Variants in NLGN1 observed in about 807,000 individuals in gnomAD.
NLGN1 encodes the protein neuroligin 1, also known as neuroligin-1.
Under a neutral mutation model 65.5 loss-of-function variants are expected in NLGN1, and 12 were observed. That is an observed-to-expected ratio of 0.18 (90% CI 0.12 to 0.30). The LOEUF (loss-of-function observed/expected upper bound fraction) is 0.30, where lower values mean the gene tolerates loss of function less well. Among genes scored for constraint, NLGN1 ranks in the 10% least tolerant of loss-of-function variants. The pLI, the probability that NLGN1 is intolerant of heterozygous loss-of-function variation, is 1.00. For missense variants in NLGN1, 750 were observed against 1,007.1 expected (o/e 0.74, Z 3.46); for synonymous variants, 350 against 359.5 (o/e 0.97, Z 0.30).
chr3:173,920,015 T>C (rs1221245786), intron 4 of NLGN1, among the ~76,000 whole-genome samples: 1 of 152,058 alleles, frequency 6.6e-6, no homozygotes, highest in African/African-American at 2.4e-5. Context: ...CATAGGACTT[T>C]AGATTGCAAA....
chr3:173,860,014 T>C (rs1728754741), intron 4 of NLGN1, among the ~76,000 whole-genome samples: 1 of 152,032 alleles, frequency 6.6e-6, no homozygotes, highest in Non-Finnish European at 1.5e-5. Context: ...AAGTCAACTT[T>C]TAATATTATT....
At chr3:173,751,216 A>C (rs975828802) in intron 3 of NLGN1, among the ~76,000 whole-genome samples, 1 of 152,064 alleles carries the variant, frequency 6.6e-6, no homozygotes, top group Admixed American at 6.6e-5. Context: ...GCATAGATAC[A>C]CTATTTGCTT....
intron 2 of NLGN1, among the ~76,000 whole-genome samples, chr3:173,484,930 C>A (rs1727915573): frequency 2.0e-5 from 3 of 151,950 alleles, no homozygotes; most frequent in Admixed American, 2.0e-4. Context: ...GCAAGGGCCC[C>A]TTCCACTCTA....
intron 4 of NLGN1, among the ~76,000 whole-genome samples, chr3:173,939,744 G>T (rs1426203210): frequency 1.3e-5 from 2 of 151,970 alleles, no homozygotes; most frequent in African/African-American, 4.8e-5. Context: ...TTGCTTTTCT[G>T]CCCAAATAAT....
At position 173,747,360 on chromosome 3, in the gene NLGN1, TTAAAGA is replaced by T. The variant is rs1206408834; in HGVS notation, c.494-60317_494-60312del. Among the ~76,000 whole-genome samples, 12 of 81,560 alleles carry T rather than the reference TTAAAGA, an allele frequency of 1.5e-4. No homozygotes were observed. The East Asian group carries it at 4.1e-3, about 28-fold the overall frequency. 53.5% of individuals were successfully genotyped at this position (81,560 alleles called of 152,430 possible). On this transcript the variant is annotated intron_variant, in intron 3 of 6. Transcript: ENST00000457714. ...ATAATATGTATTTTAATATATATAC[TTAAAGA>T]TATATATATACTTAAAGATATATAT...
chr3:174,145,457 G>A (rs1024691362), intron 4 of NLGN1, among the ~76,000 whole-genome samples: 2 of 152,030 alleles, frequency 1.3e-5, no homozygotes, highest in Non-Finnish European at 2.9e-5. Context: ...GGGTTCCGGT[G>A]AGCCAAGATG....
intron 2 of NLGN1, among the ~76,000 whole-genome samples, chr3:173,543,752 A>C (rs563404954): frequency 1.3e-5 from 2 of 152,190 alleles, no homozygotes; most frequent in South Asian, 2.1e-4. Flanking sequence ...AATCTGTGCT[A>C]GTCAGTATAG....
chr3:173,671,080 A>G (rs1762382066), intron 3 of NLGN1, among the ~76,000 whole-genome samples: 1 of 152,214 alleles, frequency 6.6e-6, no homozygotes, highest in African/African-American at 2.4e-5. Flanking sequence ...CTTCACATAT[A>G]TACTATTCAC....
At chr3:173,799,274 A>AC (rs1714878967) in intron 3 of NLGN1, among the ~76,000 whole-genome samples, 1 of 152,138 alleles carries the variant, frequency 6.6e-6, no homozygotes, top group East Asian at 1.9e-4. Flanking sequence ...GGTTGTGGAA[A>AC]CAAAAAAAGA....
intron 3 of NLGN1, among the ~76,000 whole-genome samples, chr3:173,754,393 A>G (rs1776789066): frequency 6.6e-6 from 1 of 152,056 alleles, no homozygotes; most frequent in Non-Finnish European, 1.5e-5. Context: ...CTCTAACTGT[A>G]CTACATGAAA....
chr3:174,071,395 A>C (rs1388894316), intron 4 of NLGN1, among the ~76,000 whole-genome samples: 1 of 152,090 alleles, frequency 6.6e-6, no homozygotes, highest in Non-Finnish European at 1.5e-5. Flanking sequence ...AAAAGATGTC[A>C]GGTGGATCAG....
intron 4 of NLGN1, among the ~76,000 whole-genome samples, chr3:174,055,101 T>C (rs1295003383): frequency 6.6e-6 from 1 of 151,518 alleles, no homozygotes; most frequent in East Asian, 1.9e-4. Flanking sequence ...TGCCTGGATC[T>C]GAACATGTGT....
At chr3:173,647,212 C>G (rs1329268300) in intron 3 of NLGN1, among the ~76,000 whole-genome samples, 1 of 152,058 alleles carries the variant, frequency 6.6e-6, no homozygotes, top group Non-Finnish European at 1.5e-5. Context: ...GATCAAACTT[C>G]AAGGAGAAAC....
chr3:174,167,236 G>T (rs1727666703), intron 4 of NLGN1, among the ~76,000 whole-genome samples: 1 of 151,864 alleles, frequency 6.6e-6, no homozygotes, highest in South Asian at 2.1e-4. Context: ...GTTGTTAGCT[G>T]GTTGTTTTGT....
intron 3 of NLGN1, among the ~76,000 whole-genome samples, chr3:173,656,634 T>G (rs1206486717): frequency 6.6e-6 from 1 of 152,074 alleles, no homozygotes; most frequent in Non-Finnish European, 1.5e-5. Context: ...CTTAATGAAG[T>G]TGTTTTCAGA....
At chr3:173,491,301 T>G (rs1560330486) in intron 2 of NLGN1, among the ~76,000 whole-genome samples, 1 of 151,936 alleles carries the variant, frequency 6.6e-6, no homozygotes, top group Non-Finnish European at 1.5e-5. Context: ...GTTTTTAGCA[T>G]GAAGAGCTGT....
chr3:174,282,795 C>A (rs1164469519), exon 7 of NLGN1: 3 of 152,006 alleles, frequency 2.0e-5, no homozygotes, highest in Non-Finnish European at 4.4e-5. Flanking sequence ...TTCTATTAGA[C>A]TAAAGTTATG....
At chr3:173,746,894 C>T (rs1025396405) in intron 3 of NLGN1, among the ~76,000 whole-genome samples, 5 of 151,542 alleles carry the variant, frequency 3.3e-5, no homozygotes, top group East Asian at 3.9e-4. Flanking sequence ...AGTATATATA[C>T]ATAAAAAATT....
intron 3 of NLGN1, among the ~76,000 whole-genome samples, chr3:173,795,430 G>A (rs1435343193): frequency 2.0e-5 from 3 of 152,046 alleles, no homozygotes; most frequent in Non-Finnish European, 4.4e-5. Flanking sequence ...AGTTTTAAAA[G>A]TGTGATAACT....
Sources: gnomAD v4.1 joint callset for allele counts (sites outside exome capture counted in the v4.1 genomes callset) on GRCh38, gnomAD v4.1.1 for gene constraint, MANE v1.5 for transcripts, NCBI Gene and HGNC (gene_info 2026-07-23, HGNC 2026-07-21) for gene names.